ATP8A1: variants seen among roughly 807,000 people sequenced by gnomAD.
The protein encoded by ATP8A1 is ATPase phospholipid transporting 8A1.
Under a neutral mutation model 177.7 loss-of-function variants are expected in ATP8A1, and 90 were observed. That is an observed-to-expected ratio of 0.51 (90% CI 0.43 to 0.60). The LOEUF is 0.60. Ranked by LOEUF, ATP8A1 falls within the 20% of genes least tolerant of loss-of-function variation. ATP8A1 has a pLI of 0.00. For synonymous variants in ATP8A1, 493 were observed against 485.9 expected (o/e 1.01, Z -0.19); for missense variants, 1,072 against 1,392.8 (o/e 0.77, Z 3.67).
intron 19 of ATP8A1, among the ~76,000 whole-genome samples, chr4:42,544,323 A>C (rs953661785): frequency 5.9e-5 from 9 of 152,258 alleles, no homozygotes; most frequent in Non-Finnish European, 1.0e-4. Flanking sequence ...GGTTTCTTAA[A>C]GGATAAATTA....
intron 33 of ATP8A1, among the ~76,000 whole-genome samples, chr4:42,427,812 A>G (rs1014920235): frequency 7.2e-5 from 11 of 152,250 alleles, no homozygotes; most frequent in South Asian, 4.1e-4. Flanking sequence ...AGGCTTCAAG[A>G]AGTCAGAGTA....
At chr4:42,577,138 A>C (rs1056863178) in intron 12 of ATP8A1, among the ~76,000 whole-genome samples, 1 of 152,212 alleles carries the variant, frequency 6.6e-6, no homozygotes, top group South Asian at 2.1e-4. Flanking sequence ...CCAATACTAA[A>C]ATTATATAAT....
At chr4:42,552,632 T>C (rs755885921) in intron 16 of ATP8A1, 22 bp from the exon 17 acceptor site, 24 of 1,542,444 alleles carry the variant, frequency 1.6e-5, no homozygotes, top group East Asian at 2.3e-5. Context: ...AAACACATAA[T>C]TTAAGCCCTT....
intron 24 of ATP8A1, among the ~76,000 whole-genome samples, chr4:42,502,586 C>T (rs1723963736): frequency 6.6e-6 from 1 of 152,124 alleles, no homozygotes; most frequent in Non-Finnish European, 1.5e-5. Context: ...GCTTCTGCAT[C>T]ACAGAGACAG....
At chr4:42,443,467 A>G in intron 33 of ATP8A1, 98 bp downstream of exon 33, 1 of 603,096 alleles carries the variant, frequency 1.7e-6, no homozygotes, top group South Asian at 2.2e-5. Context: ...TTTTAATATA[A>G]ATCAACAAGA....
intron 33 of ATP8A1, among the ~76,000 whole-genome samples, chr4:42,431,767 C>T (rs1187298057): frequency 1.3e-5 from 2 of 152,128 alleles, no homozygotes; most frequent in Non-Finnish European, 2.9e-5. Context: ...ACATATACAC[C>T]TCTCACATTT....
rs1553920597 is a variant in ATP8A1, at chr4:42,635,782, C to CACATATATATAT, written c.50-8674_50-8673insATATATATATGT. Among the ~76,000 whole-genome samples the CACATATATATAT allele has an allele frequency of 1.1e-3, 56 of 51,970 alleles. 1 individual carries two copies. The highest frequency in any genetic ancestry group is 2.0e-3 in the African/African-American group (32 of 16,218). 34.1% of individuals were successfully genotyped at this position (51,970 alleles called of 152,430 possible). On this transcript the variant is annotated intron_variant, in intron 1 of 36. Coordinates refer to ENST00000381668, the MANE Select transcript of ATP8A1 (RefSeq NM_006095.2). ...ACACACACACACACACACACACACACATATATATATATATATATATATATA... is the reference window on the plus strand; with the variant it reads ...ACACACACACACACACACACACACACACATATATATATATATATATATATATATATATATATA...
At chr4:42,537,075 T>G (rs1409003490) in intron 20 of ATP8A1, among the ~76,000 whole-genome samples, 1 of 148,684 alleles carries the variant, frequency 6.7e-6, no homozygotes, top group East Asian at 2.0e-4. Context: ...GAGGTTGCGG[T>G]GAGCCGAGAT....
chr4:42,468,191 T>C (rs1402435841), intron 25 of ATP8A1, among the ~76,000 whole-genome samples: 2 of 152,014 alleles, frequency 1.3e-5, no homozygotes, highest in Non-Finnish European at 2.9e-5. Flanking sequence ...GAACTAAAAG[T>C]AGAACTACCA....
In ATP8A1 at chr4:42,469,370, G is replaced by T. The variant is rs148881846; in HGVS notation, c.2325-4294C>A. Among the ~76,000 whole-genome samples the T allele has an allele frequency of 3.3e-3, 498 of 152,298 alleles. 2 individuals are homozygous for T. Among genetic ancestry groups the T allele is most frequent in the Non-Finnish European group, 4.8e-3 (326 of 68,024 alleles). ...TACACACCCAAGAGCCTCTGGGTGT[G>T]AGCATAGTGTGCTGTGAGTACCTGG... is the stretch of plus-strand genomic sequence containing the variant. On this transcript the variant is annotated intron_variant, in intron 25 of 36. Transcript: ENST00000381668.
At chr4:42,420,020 CAA>C (rs34391125) in intron 35 of ATP8A1, among the ~76,000 whole-genome samples, 1 of 126,058 alleles carries the variant, frequency 7.9e-6, no homozygotes, top group Non-Finnish European at 1.7e-5. Context: ...AACAAACAAA[CAA>C]AAAAAAAAAA....
intron 20 of ATP8A1, among the ~76,000 whole-genome samples, chr4:42,528,981 G>A (rs1230334770): frequency 6.6e-6 from 1 of 152,064 alleles, no homozygotes. Flanking sequence ...GTTGCATTTG[G>A]CCCCTCCTAC....
At chr4:42,602,791 A>AAAATAAAT (rs140631699) in intron 5 of ATP8A1, among the ~76,000 whole-genome samples, 30 of 151,126 alleles carry the variant, frequency 2.0e-4, no homozygotes, top group South Asian at 4.2e-4. Flanking sequence ...AAATAAAATT[A>AAAATAAAT]AAATAAATAA....
At chr4:42,435,930 A>G (rs556349982) in intron 33 of ATP8A1, among the ~76,000 whole-genome samples, 64 of 152,194 alleles carry the variant, frequency 4.2e-4, no homozygotes, top group Non-Finnish European at 8.1e-4. Flanking sequence ...TTCTTCATTT[A>G]GTCATTTGTT....
intron 23 of ATP8A1, among the ~76,000 whole-genome samples, chr4:42,505,792 A>C (rs1724302884): frequency 6.6e-6 from 1 of 152,234 alleles, no homozygotes; most frequent in South Asian, 2.1e-4. Context: ...TCATGCTGTG[A>C]ACTCCTCTAA....
intron 25 of ATP8A1, among the ~76,000 whole-genome samples, chr4:42,484,261 C>A (rs1721982156): frequency 6.6e-6 from 1 of 152,034 alleles, no homozygotes; most frequent in South Asian, 2.1e-4. Context: ...AAGCAAAGAG[C>A]CGGATGACTA....
chr4:42,586,535 A>C lies in ATP8A1; in HGVS notation c.595-59T>G, dbSNP rs1327419524. The stretch of plus-strand genomic sequence containing the variant: ...TTAAATAAGTTGTATCTGGGCAAAG[A>C]GGAGGAATTTTGAATTCATCCAAGT... On this transcript the variant is annotated intron_variant, in intron 8 of 36. Coordinates refer to ENST00000381668, the MANE Select transcript of ATP8A1 (RefSeq NM_006095.2). The C allele has an allele frequency of 7.2e-6, 11 of 1,531,634 alleles. No homozygotes were observed. In the East Asian group the frequency reaches 1.8e-4, roughly 25 times the overall value. The allele number at this position is 1,531,634 out of a possible 1,614,324, so 94.9% of individuals were successfully genotyped here.
intron 4 of ATP8A1, among the ~76,000 whole-genome samples, chr4:42,623,855 A>G (rs1354859528): frequency 6.6e-6 from 1 of 152,130 alleles, no homozygotes; most frequent in Admixed American, 6.5e-5. Context: ...CCTGAACTTA[A>G]AAGTCTCTCC....
intron 4 of ATP8A1, among the ~76,000 whole-genome samples, chr4:42,616,988 T>G (rs1577709936): frequency 6.6e-6 from 1 of 152,214 alleles, no homozygotes; most frequent in East Asian, 1.9e-4. Context: ...CTCTGTTCGC[T>G]CAAAGATTGT....
Sources: allele counts gnomAD v4.1 joint callset (sites outside exome capture counted in the v4.1 genomes callset), GRCh38; gene constraint gnomAD v4.1.1; transcripts MANE v1.5; gene names NCBI Gene and HGNC (gene_info 2026-07-23, HGNC 2026-07-21).